Variants in ASXL1 observed in about 807,000 individuals in gnomAD.
The protein encoded by ASXL1 is ASXL transcriptional regulator 1.
In ASXL1, 65 loss-of-function variants were observed where a neutral mutation model predicts 89.1. The observed-to-expected ratio is 0.73, with a 90% CI of 0.60 to 0.90. The LOEUF is 0.90. ASXL1 is among the 40% of genes least tolerant of loss of function. The probability of loss-of-function intolerance (pLI) is 0.00; values close to 1 mark genes in which losing one functional copy is unlikely to be tolerated. For synonymous variants in ASXL1, 739 were observed against 746.9 expected (o/e 0.99, Z 0.17); for missense variants, 1,786 against 1,942.9 (o/e 0.92, Z 1.52).
intron 10 of ASXL1, 52 bp downstream of exon 10, chr20:32,431,731 G>A (rs749117812): frequency 2.9e-5 from 45 of 1,566,244 alleles, no homozygotes; most frequent in Middle Eastern, 2.3e-4. Flanking sequence ...GTCGTGTGGT[G>A]TTGCATGTCT....
At chr20:32,371,451 AATTTTTTGT>A (rs1042468830) in intron 4 of ASXL1, among the ~76,000 whole-genome samples, 14 of 151,548 alleles carry the variant, frequency 9.2e-5, no homozygotes, top group African/African-American at 2.9e-4. Flanking sequence ...ATGCCTGGCT[AATTTTTTGT>A]ATTTTTTGTG....
chr20:32,421,942 C>A (rs2049261542), intron 4 of ASXL1, among the ~76,000 whole-genome samples: 2 of 143,072 alleles, frequency 1.4e-5, no homozygotes, highest in Non-Finnish European at 3.0e-5. Flanking sequence ...GATCTCGGCT[C>A]ACTGCAAGCT....
At position 32,359,902 on chromosome 20, in the gene ASXL1, C is replaced by T. The variant is rs965937686; in HGVS notation, c.57+1070C>T. ...AACAGGTTATACTAAGATGTCAGTT[C>T]CTAAGATCTGTCACACAGCGAGGTT... On this transcript the variant is annotated intron_variant, in intron 1 of 12. Coordinates refer to ENST00000375687, the MANE Select transcript of ASXL1 (RefSeq NM_015338.6). The T allele has an allele frequency of 8.4e-6, 6 of 711,500 alleles. No individual in the cohort carries two copies. The Admixed American group carries it at 1.0e-4, about 12-fold the overall frequency. 44.1% of individuals were successfully genotyped at this position (711,500 alleles called of 1,614,324 possible).
chr20:32,375,503 G>A (rs751504182), intron 4 of ASXL1, among the ~76,000 whole-genome samples: 5 of 151,328 alleles, frequency 3.3e-5, no homozygotes, highest in East Asian at 1.9e-4. Context: ...CCACAATGCC[G>A]TTATCACACT....
chr20:32,409,015 C>T (rs1250553593), intron 4 of ASXL1, among the ~76,000 whole-genome samples: 1 of 151,416 alleles, frequency 6.6e-6, no homozygotes, highest in African/African-American at 2.4e-5. Context: ...CTCTTGTTGC[C>T]CAGGCTGGAG....
intron 4 of ASXL1, among the ~76,000 whole-genome samples, chr20:32,388,300 G>A (rs1001151154): frequency 3.9e-5 from 6 of 151,940 alleles, no homozygotes; most frequent in South Asian, 2.1e-4. Context: ...TCAGCCTCCC[G>A]AGTAGCTGGG....
chr20:32,406,811 C>T (rs1371980778), intron 4 of ASXL1, among the ~76,000 whole-genome samples: 1 of 152,130 alleles, frequency 6.6e-6, no homozygotes, highest in Non-Finnish European at 1.5e-5. Context: ...GCATTTCACT[C>T]ATCTTGATCT....
intron 4 of ASXL1, chr20:32,371,704 C>A: frequency 2.4e-6 from 1 of 416,892 alleles, no homozygotes; most frequent in South Asian, 1.7e-5. Context: ...CTCCTGGGCT[C>A]AAGCAGTAGT....
chr20:32,368,041 A>G (rs927879727), intron 3 of ASXL1, among the ~76,000 whole-genome samples: 14 of 152,186 alleles, frequency 9.2e-5, no homozygotes, highest in African/African-American at 3.4e-4. Context: ...TAGTTTTTTA[A>G]TGGTTTTTTT....
intron 4 of ASXL1, among the ~76,000 whole-genome samples, chr20:32,419,940 G>T (rs190799348): frequency 2.0e-5 from 3 of 151,958 alleles, no homozygotes; most frequent in Non-Finnish European, 4.4e-5. Context: ...TCGGCCTCCC[G>T]AAATGCTGGC....
rs200527840 is a variant in ASXL1 at position 32,436,505 on chromosome 20, G to T, written c.3793G>T (p.Asp1265Tyr). Reference sequence around the variant, plus strand: ...TGCTGCTCCAGGAAAGAGCCCAGGAGATCTTACTACCTCGAGAACACCTCG... The same window carrying T: ...TGCTGCTCCAGGAAAGAGCCCAGGATATCTTACTACCTCGAGAACACCTCG... ...SNAAPGKSPG[D>Y]LTTSRTPRFS... The change falls in exon 13 of 13, where the codon GAT (aspartate) becomes TAT (tyrosine). Residue 1265 changes from aspartate (D) to tyrosine (Y), a missense_variant. Asp to Tyr is a radical substitution (Grantham distance 160). Around this residue, in one of 3 missense-constraint regions of ASXL1, gnomAD observed 1,418 missense variants for 1,427.8 expected, o/e 0.99. Transcript: ENST00000375687. 237 of 1,614,076 alleles carry T rather than the reference G, an allele frequency of 1.5e-4. No homozygotes were observed. The highest frequency in any genetic ancestry group is 1.8e-4 in the Non-Finnish European group (207 of 1,180,054).
At chr20:32,387,035 A>G (rs1030512461) in intron 4 of ASXL1, among the ~76,000 whole-genome samples, 4 of 152,072 alleles carry the variant, frequency 2.6e-5, no homozygotes, top group African/African-American at 9.7e-5. Flanking sequence ...AATTTAAGCC[A>G]GGTGCAGTGG....
At position 32,437,643 on chromosome 20, in the gene ASXL1, A is replaced by C. The variant is rs2012006948; in HGVS notation, c.*305A>C. ...GGGGTGGGGGGACTGCCTGACTCCC[A>C]GAGGGACTTGAAACTGAAGCAAGAA... On this transcript the variant is annotated 3_prime_UTR_variant, in exon 13 of 13. Coordinates refer to ENST00000375687, the MANE Select transcript of ASXL1 (RefSeq NM_015338.6). 1 of 463,174 alleles carries C rather than the reference A, an allele frequency of 2.2e-6. No homozygotes were observed. The highest frequency in any genetic ancestry group is 1.9e-5 in the African/African-American group (1 of 51,758). The allele number at this position is 463,174 out of a possible 1,614,324, so 28.7% of individuals were successfully genotyped here. A position where few individuals can be genotyped will look rare whatever the true frequency, so the allele number is the denominator to read the frequency against.
intron 4 of ASXL1, among the ~76,000 whole-genome samples, chr20:32,419,458 C>T (rs1397210734): frequency 6.6e-6 from 1 of 152,150 alleles, no homozygotes; most frequent in Non-Finnish European, 1.5e-5. Flanking sequence ...CCTTCCTCAG[C>T]TTCCCAAAGT....
chr20:32,367,753 A>G (rs1335671843), intron 3 of ASXL1, 24 bp downstream of exon 3: 3 of 780,736 alleles, frequency 3.8e-6, no homozygotes, highest in Non-Finnish European at 4.8e-6. Flanking sequence ...TTTGGGACAT[A>G]TGGAATTGAG....
intron 1 of ASXL1, among the ~76,000 whole-genome samples, chr20:32,364,635 A>G (rs1205063453): frequency 6.6e-6 from 1 of 152,228 alleles, no homozygotes; most frequent in African/African-American, 2.4e-5. Flanking sequence ...TCCTGAGCGC[A>G]GCAAGTGACC....
intron 4 of ASXL1, among the ~76,000 whole-genome samples, chr20:32,401,319 T>A (rs1273200723): frequency 6.6e-6 from 1 of 152,164 alleles, no homozygotes; most frequent in Non-Finnish European, 1.5e-5. Flanking sequence ...TCCTGTGTAG[T>A]CATCATGTCC....
chr20:32,413,565 C>T (rs565601489), intron 4 of ASXL1, among the ~76,000 whole-genome samples: 8 of 152,214 alleles, frequency 5.3e-5, no homozygotes, highest in Non-Finnish European at 8.8e-5. Flanking sequence ...TTCCTGGAGC[C>T]ATCTTTTTTC....
intron 4 of ASXL1, among the ~76,000 whole-genome samples, chr20:32,406,771 A>G (rs758601267): frequency 1.4e-4 from 21 of 152,146 alleles, no homozygotes; most frequent in South Asian, 6.2e-4. Flanking sequence ...GTGGGCTTCA[A>G]TACTCTGTCC....
Sources: allele counts gnomAD v4.1 joint callset (sites outside exome capture counted in the v4.1 genomes callset), GRCh38; gene constraint gnomAD v4.1.1; regional missense constraint gnomAD v4.1.1; transcripts MANE v1.5; gene names NCBI Gene and HGNC (gene_info 2026-07-23, HGNC 2026-07-21).